Variants in NOS1 observed in about 807,000 individuals in gnomAD.
NOS1 encodes the protein nitric oxide synthase 1, also known as NOS type I.
NOS1 carries 51 observed loss-of-function variants against 164.5 expected under a neutral mutation model. The observed-to-expected ratio is 0.31, with a 90% CI of 0.25 to 0.39. NOS1 has a LOEUF of 0.39. Among genes scored for constraint, NOS1 ranks in the 10% least tolerant of loss-of-function variants. The pLI is 1.00. For missense variants in NOS1, 1,362 were observed against 1,885.6 expected, an observed-to-expected ratio of 0.72 and a Z score of 5.14; for synonymous variants, 719 against 745.8, an observed-to-expected ratio of 0.96 and a Z score of 0.59.
rs188207606 is a variant in NOS1 at position 117,293,389 on chromosome 12, C to T, written c.853-2963G>A. Among the ~76,000 whole-genome samples, 358 of 152,268 alleles carry T rather than the reference C, an allele frequency of 2.4e-3. 4 individuals carry two copies. The highest frequency in any genetic ancestry group is 5.6e-3 in the East Asian group (29 of 5,178). On this transcript the variant is annotated intron_variant, in intron 3 of 28. Coordinates refer to ENST00000317775, the MANE Select transcript of NOS1 (RefSeq NM_000620.5). ...TCTTAATCATCAGCCTCTTCTCTAT[C>T]TCCCACACCCAACTCATCACTGACT...
chr12:117,278,898 CTAATA>C (rs1487258560), intron 8 of NOS1, among the ~76,000 whole-genome samples: 1 of 148,904 alleles, frequency 6.7e-6, no homozygotes, highest in Non-Finnish European at 1.5e-5. Context: ...ACTTATTCAT[CTAATA>C]TATCAAATAA....
chr12:117,233,275 C>A (rs996212433), intron 21 of NOS1, among the ~76,000 whole-genome samples: 2 of 151,886 alleles, frequency 1.3e-5, no homozygotes, highest in African/African-American at 4.8e-5. Context: ...TCTCAAACTC[C>A]TGACCTCAGG....
chr12:117,248,445 T>C (rs1214416042), intron 17 of NOS1, among the ~76,000 whole-genome samples: 1 of 149,408 alleles, frequency 6.7e-6, no homozygotes, highest in Non-Finnish European at 1.5e-5. Flanking sequence ...GAATATGCGG[T>C]GTTTGGTTTT....
rs370205096 is a variant in NOS1, at chr12:117,325,218, A to C, written c.725+5127T>G. ...CCACCCCGACATGCAGCCTGGATGG[A>C]GAGGTCACCGGGAGGATGAGCATTT... On this transcript the variant is annotated intron_variant, in intron 2 of 28. Coordinates refer to ENST00000317775, the MANE Select transcript of NOS1 (RefSeq NM_000620.5). Among the ~76,000 whole-genome samples the C allele has an allele frequency of 6.0e-4, 91 of 152,234 alleles. 1 individual carries two copies. In the South Asian group the frequency reaches 0.017, roughly 29 times the overall value.
rs1352911067 is a variant in NOS1, at chr12:117,330,288, ACACACAAGCATG to A, written c.725+45_725+56del. 2 of 1,494,196 alleles carry A rather than the reference ACACACAAGCATG, an allele frequency of 1.3e-6. No homozygotes were observed. The highest frequency in any genetic ancestry group is 2.3e-5 in the East Asian group (1 of 43,402). 92.6% of individuals were successfully genotyped at this position (1,494,196 alleles called of 1,614,324 possible). On this transcript the variant is annotated intron_variant, in intron 2 of 28. Coordinates refer to ENST00000317775, the MANE Select transcript of NOS1 (RefSeq NM_000620.5). The surrounding 1 kb of genome is among the most constrained non-coding windows in gnomAD (Gnocchi z 4.6). ...TGAGTCTCAGTAGACGCACATGCAC[ACACACAAGCATG>A]CACACACACACACACACACACACAC...
intron 9 of NOS1, among the ~76,000 whole-genome samples, chr12:117,275,402 A>G (rs1170377546): frequency 6.6e-6 from 1 of 152,178 alleles, no homozygotes; most frequent in African/African-American, 2.4e-5. Flanking sequence ...CAGGAACTGA[A>G]AGTTAAACAC....
At chr12:117,259,448 A>C (rs1272841923) in intron 14 of NOS1, among the ~76,000 whole-genome samples, 1 of 152,100 alleles carries the variant, frequency 6.6e-6, no homozygotes, top group Non-Finnish European at 1.5e-5. Flanking sequence ...GCTTGATGGA[A>C]TCCCATGGGA....
At chr12:117,303,546 T>C (rs1348034049) in intron 3 of NOS1, among the ~76,000 whole-genome samples, 1 of 151,990 alleles carries the variant, frequency 6.6e-6, no homozygotes, top group African/African-American at 2.4e-5. Context: ...GCAAGGGCAA[T>C]GGGAAGGATG....
chr12:117,324,494 C>T (rs1233226338), intron 2 of NOS1, among the ~76,000 whole-genome samples: 4 of 152,278 alleles, frequency 2.6e-5, no homozygotes, highest in Non-Finnish European at 5.9e-5. Flanking sequence ...CTTTGGGAGG[C>T]TGAGGCGGGC....
intron 1 of NOS1, among the ~76,000 whole-genome samples, chr12:117,360,679 C>T (rs967197669): frequency 5.9e-5 from 9 of 152,214 alleles, no homozygotes; most frequent in African/African-American, 2.2e-4. Context: ...GGGCCCCCAG[C>T]CGCGGACAGC....
chr12:117,333,797 G>C (rs1875668409), intron 1 of NOS1, among the ~76,000 whole-genome samples: 2 of 152,120 alleles, frequency 1.3e-5, no homozygotes, highest in African/African-American at 4.8e-5. Flanking sequence ...GTTCTGGTTT[G>C]CAGGGAAACC....
rs1283182059 is a variant in NOS1, at chr12:117,290,375, A to G, written c.904T>C (p.Cys302Arg). 2.5e-6 allele frequency: 4 copies of G among 1,613,656 alleles called. No homozygotes were observed. In the African/African-American group the frequency reaches 5.3e-5, roughly 22 times the overall value. The change falls in exon 4 of 29, where the codon TGT becomes CGT. Residue 302 changes from cysteine (C) to arginine (R), a missense_variant. Cys to Arg is a radical substitution (Grantham distance 180). Coordinates refer to ENST00000317775, the MANE Select transcript of NOS1 (RefSeq NM_000620.5). ...SPTKNGSPSK[C>R]PRFLKVKNWE... ...TTCTTGACCTTGAGGAAGCGTGGACACTTGGAGGGGCTGCCATTCTTTGTG... is the reference window on the plus strand; with the variant it reads ...TTCTTGACCTTGAGGAAGCGTGGACGCTTGGAGGGGCTGCCATTCTTTGTG...
chr12:117,340,591 G>A (rs573889915), intron 1 of NOS1, among the ~76,000 whole-genome samples: 7 of 152,212 alleles, frequency 4.6e-5, no homozygotes, highest in Non-Finnish European at 7.4e-5. Context: ...GTGTGGTGGC[G>A]CAATCTCGGC....
In NOS1 at chr12:117,211,357, G is replaced by T; in HGVS notation, c.*3952C>A. The T allele has an allele frequency of 1.0e-6, 1 of 985,316 alleles. No individual in the cohort carries two copies. The allele number at this position is 985,316 out of a possible 1,614,324, so 61.0% of individuals were successfully genotyped here. On this transcript the variant is annotated 3_prime_UTR_variant, in exon 29 of 29. Transcript: ENST00000317775. ...CTGGAGTCTCTTTATCACTACATCCGCCTCTTCCCTCACTCAAGCCTTGGT... is the reference window on the plus strand; with the variant it reads ...CTGGAGTCTCTTTATCACTACATCCTCCTCTTCCCTCACTCAAGCCTTGGT...
chr12:117,317,720 CT>C (rs1874729920), intron 2 of NOS1, among the ~76,000 whole-genome samples: 1 of 152,060 alleles, frequency 6.6e-6, no homozygotes, highest in Admixed American at 6.6e-5. Context: ...CTAAATGGCC[CT>C]CACCCACCCC....
rs748567396 is a variant in NOS1 at position 117,260,452 on chromosome 12, A to AC, written c.2367+12dup. ...ATGAGAAGCTGGTGGAGCTAGGGCT[A>AC]CCCCCCACCTACCTTGGCATCAAAG... On this transcript the variant is annotated intron_variant, in intron 14 of 28. Transcript: ENST00000317775. The AC allele has an allele frequency of 6.2e-7, 1 of 1,611,238 alleles. No homozygotes were observed. Among genetic ancestry groups the AC allele is most frequent in the Non-Finnish European group, 8.5e-7 (1 of 1,178,064 alleles).
At chr12:117,221,626 T>G (rs1303552931) in intron 26 of NOS1, among the ~76,000 whole-genome samples, 3 of 150,944 alleles carry the variant, frequency 2.0e-5, no homozygotes, top group Non-Finnish European at 4.4e-5. Flanking sequence ...TATTTTTAAT[T>G]TTTATTTCTA....
At chr12:117,244,044 A>G (rs1243768642) in intron 18 of NOS1, among the ~76,000 whole-genome samples, 1 of 152,252 alleles carries the variant, frequency 6.6e-6, no homozygotes, top group Non-Finnish European at 1.5e-5. Context: ...TTATTCCTAA[A>G]ACTGATGTGT....
Position 117,214,475 on chromosome 12 carries a change from T to A in NOS1, c.*834A>T, listed in dbSNP as rs1000582051. 3 of 983,680 alleles carry A rather than the reference T, an allele frequency of 3.0e-6. No homozygotes were observed. Among genetic ancestry groups the A allele is most frequent in the African/African-American group, 1.8e-5 (1 of 57,042 alleles). 60.9% of individuals were successfully genotyped at this position (983,680 alleles called of 1,614,324 possible). ...GTCAAGTGATTCTAGCTGGTATGGG[T>A]GGGTTTGGGGAGGGGATTTGCACAA... On this transcript the variant is annotated 3_prime_UTR_variant, in exon 29 of 29. Transcript: ENST00000317775.
Sources: allele counts gnomAD v4.1 joint callset (sites outside exome capture counted in the v4.1 genomes callset), GRCh38; gene constraint gnomAD v4.1.1; non-coding constraint Gnocchi (gnomAD v3.1); transcripts MANE v1.5; gene names NCBI Gene and HGNC (gene_info 2026-07-23, HGNC 2026-07-21).